Variants in PAFAH2 observed in about 807,000 individuals in gnomAD.
The protein encoded by PAFAH2 is platelet activating factor acetylhydrolase 2, also known as platelet-activating factor acetylhydrolase 2, cytoplasmic.
A neutral mutation model predicts 49.0 loss-of-function variants in PAFAH2; 42 were observed. The observed-to-expected ratio is 0.86, with a 90% confidence interval of 0.67 to 1.11. The LOEUF (loss-of-function observed/expected upper bound fraction) is 1.11, where lower values mean the gene tolerates loss of function less well. Ranked by LOEUF, PAFAH2 falls within the 50% of genes least tolerant of loss-of-function variation. PAFAH2 has a pLI of 0.00. For synonymous variants in PAFAH2, 184 were observed against 181.3 expected (o/e 1.01, Z -0.12); for missense variants, 503 against 501.8 (o/e 1.00, Z -0.02).
At chr1:25,974,356 A>G (rs562489104) in intron 9 of PAFAH2, 124 bp downstream of exon 9, 3 of 678,326 alleles carry the variant, frequency 4.4e-6, no homozygotes, top group Non-Finnish European at 4.6e-6. Flanking sequence ...AGACTTTGCA[A>G]TTCAGGAAGT....
intron 10 of PAFAH2, among the ~76,000 whole-genome samples, chr1:25,963,429 T>C (rs2049370625): frequency 6.6e-6 from 1 of 151,756 alleles, no homozygotes; most frequent in Non-Finnish European, 1.5e-5. Flanking sequence ...GGAAAAAAAA[T>C]AGAGCCCGTT....
chr1:25,989,302 C>T, intron 3 of PAFAH2, 146 bp downstream of exon 3: 3 of 648,464 alleles, frequency 4.6e-6, no homozygotes, highest in Non-Finnish European at 7.1e-6. Context: ...TAATTCTCTC[C>T]CAACTCTCCA....
At chr1:25,984,575 C>T (rs1252788660) in intron 4 of PAFAH2, 47 bp from the exon 5 acceptor site, 2 of 1,443,310 alleles carry the variant, frequency 1.4e-6, no homozygotes, top group Non-Finnish European at 1.9e-6. Context: ...AAGAACAGCC[C>T]AGCCTTCACC....
chr1:25,962,210 G>C (rs1216281913), intron 10 of PAFAH2, 127 bp from the exon 11 acceptor site: 4 of 651,576 alleles, frequency 6.1e-6, no homozygotes, highest in Admixed American at 2.8e-5. Flanking sequence ...ACTGGTTTTG[G>C]TGGGGTTGTG....
chr1:25,978,894 C>A (rs2049637205), intron 7 of PAFAH2, among the ~76,000 whole-genome samples: 1 of 152,254 alleles, frequency 6.6e-6, no homozygotes, highest in Non-Finnish European at 1.5e-5. Context: ...AATACATCCA[C>A]TGTCCCATAA....
chr1:25,995,278 T>C (rs983183977), intron 1 of PAFAH2, among the ~76,000 whole-genome samples: 1 of 152,186 alleles, frequency 6.6e-6, no homozygotes, highest in Non-Finnish European at 1.5e-5. Context: ...TAGACTACTT[T>C]AGGGCAGCTC....
At position 25,960,612 on chromosome 1, in the gene PAFAH2, A is replaced by G. The variant is rs544965682; in HGVS notation, c.*1377T>C. On this transcript the variant is annotated 3_prime_UTR_variant, in exon 11 of 11. Transcript: ENST00000374282. ...TCATATTATAAACAGAACAGAATGG[A>G]AATTCAGTCTGTATCTGACTTAAAT... is the stretch of plus-strand genomic sequence containing the variant. The G allele has an allele frequency of 6.5e-6, 1 of 152,724 alleles. No homozygotes were observed. The highest frequency in any genetic ancestry group is 2.4e-5 in the African/African-American group (1 of 41,572). The allele number at this position is 152,724 out of a possible 1,614,324, so 9.5% of individuals were successfully genotyped here.
rs2012311 is a variant in PAFAH2, at chr1:25,961,072, T to G, written c.*917A>C. 6.6e-6 allele frequency: 1 copy of G among 152,146 alleles called. No homozygotes were observed. The highest frequency in any genetic ancestry group is 2.4e-5 in the African/African-American group (1 of 41,336). 9.4% of individuals were successfully genotyped at this position (152,146 alleles called of 1,614,324 possible). A position where few individuals can be genotyped will look rare whatever the true frequency, so the allele number is the denominator to read the frequency against. ...CTGCCTGCCTTGGCCTCCCAAAGTG[T>G]TGGGATTACAGGCATGAGCCACCAC... is the stretch of plus-strand genomic sequence containing the variant. On this transcript the variant is annotated 3_prime_UTR_variant, in exon 11 of 11. Coordinates refer to ENST00000374282, the MANE Select transcript of PAFAH2 (RefSeq NM_000437.4).
chr1:25,971,826 G>A (rs867425052), intron 10 of PAFAH2, among the ~76,000 whole-genome samples: 1 of 152,194 alleles, frequency 6.6e-6, no homozygotes, highest in Non-Finnish European at 1.5e-5. Flanking sequence ...TATGACTGAT[G>A]ACATTATTCA....
rs536174113 is a variant in PAFAH2 at position 25,961,724 on chromosome 1, C to T, written c.*265G>A. 1.4e-5 allele frequency: 5 copies of T among 352,272 alleles called. No homozygotes were observed. The highest frequency in any genetic ancestry group is 8.5e-5 in the African/African-American group (4 of 47,246). The allele number at this position is 352,272 out of a possible 1,614,324, so 21.8% of individuals were successfully genotyped here. On this transcript the variant is annotated 3_prime_UTR_variant, in exon 11 of 11. Coordinates refer to ENST00000374282, the MANE Select transcript of PAFAH2 (RefSeq NM_000437.4). Reference sequence around the variant, plus strand: ...CTCAGCCCGGGGCCTGGGTCTCCCCCAGTCCCACTCTACTGCTTGTTCCCC... The same window carrying T: ...CTCAGCCCGGGGCCTGGGTCTCCCCTAGTCCCACTCTACTGCTTGTTCCCC...
rs1252665691 is a variant in PAFAH2 at position 25,976,704 on chromosome 1, A to G, written c.736T>C (p.Leu246=). ...CACCGAAATTGGGTCTCCTTGGCCA[A>G]AGCCAGAATAGCTGTGGCCCCTCCA... ...SFGGATAILA[L]AKETQFRCAV... is the part of the protein sequence containing the mutation. Residue 246 remains leucine, a synonymous_variant, in exon 8 of 11, where the codon TTG becomes CTG. Transcript: ENST00000374282. The G allele has an allele frequency of 2.5e-6, 4 of 1,614,194 alleles. No homozygotes were observed. The highest frequency in any genetic ancestry group is 1.7e-5 in the Admixed American group (1 of 60,030).
At chr1:25,983,520 G>A (rs1424645450) in intron 6 of PAFAH2, among the ~76,000 whole-genome samples, 1 of 149,226 alleles carries the variant, frequency 6.7e-6, no homozygotes, top group African/African-American at 2.4e-5. Context: ...TCATGCCACT[G>A]CACTCCAATC....
chr1:25,963,193 G>C (rs944388473), intron 10 of PAFAH2, among the ~76,000 whole-genome samples: 34 of 152,214 alleles, frequency 2.2e-4, no homozygotes, highest in African/African-American at 8.2e-4. Flanking sequence ...TGCCCTGCCA[G>C]GAACCTGGCA....
chr1:25,975,403 C>T (rs2049573654), intron 8 of PAFAH2, among the ~76,000 whole-genome samples: 1 of 151,804 alleles, frequency 6.6e-6, no homozygotes. Flanking sequence ...CATAGCAAGA[C>T]ACCATCTCTT....
chr1:25,972,220 C>T (rs1193856538), intron 10 of PAFAH2, among the ~76,000 whole-genome samples: 14 of 151,786 alleles, frequency 9.2e-5, no homozygotes, highest in Admixed American at 7.9e-4. Flanking sequence ...CGTAGCCTCT[C>T]GAGTAGCTGG....
rs2049811708 is a variant in PAFAH2 at position 25,988,160 on chromosome 1, GAAT to G, written c.341+68_341+70del. The G allele has an allele frequency of 3.5e-5, 33 of 950,886 alleles. 1 individual carries two copies. In the South Asian group the frequency reaches 5.1e-4, roughly 15 times the overall value. The allele number at this position is 950,886 out of a possible 1,614,324, so 58.9% of individuals were successfully genotyped here. ...GAAATGTCTTTTTTTTGCCCTTTGA[GAAT>G]AAGCTAAGACTCAGCAGCTGTCACC... On this transcript the variant is annotated intron_variant, in intron 4 of 10. Transcript: ENST00000374282.
chr1:25,996,918 A>G (rs2049944584), intron 1 of PAFAH2, among the ~76,000 whole-genome samples: 2 of 152,238 alleles, frequency 1.3e-5, no homozygotes, highest in South Asian at 4.1e-4. Flanking sequence ...TTCCTGGATT[A>G]AGCCCTTTGG....
intron 5 of PAFAH2, 83 bp downstream of exon 5, chr1:25,984,377 G>T: frequency 9.5e-7 from 1 of 1,047,392 alleles, no homozygotes; most frequent in Non-Finnish European, 1.5e-6. Flanking sequence ...TTGTCGAGAG[G>T]GTTAGAAATA....
chr1:25,972,782 C>T (rs1232997861), intron 9 of PAFAH2, 70 bp from the exon 10 acceptor site: 1 of 1,495,276 alleles, frequency 6.7e-7, no homozygotes, highest in Non-Finnish European at 9.3e-7. Flanking sequence ...TAGGCACCTA[C>T]TATGTGCAAG....
Sources: allele counts gnomAD v4.1 joint callset (sites outside exome capture counted in the v4.1 genomes callset), GRCh38; gene constraint gnomAD v4.1.1; transcripts MANE v1.5; gene names NCBI Gene and HGNC (gene_info 2026-07-23, HGNC 2026-07-21).